The following GRIA1 variants were observed in gnomAD, a reference collection of about 807,000 sequenced individuals.
GRIA1 encodes the protein glutamate receptor 1.
A neutral mutation model predicts 99.2 loss-of-function variants in GRIA1; 31 were observed. That is an observed-to-expected ratio of 0.31 (90% confidence interval 0.23 to 0.42). The LOEUF (loss-of-function observed/expected upper bound fraction) is 0.42. Among genes scored for constraint, GRIA1 ranks in the 10% least tolerant of loss-of-function variants. The pLI is 1.00. For missense variants in GRIA1, 782 were observed against 1,157.5 expected, an observed-to-expected ratio of 0.68 and a Z score of 4.71; for synonymous variants, 438 against 432.4, an observed-to-expected ratio of 1.01 and a Z score of -0.16.
chr5:153,587,288 T>C (rs892565873), intron 2 of GRIA1, among the ~76,000 whole-genome samples: 13 of 152,104 alleles, frequency 8.5e-5, no homozygotes, highest in Admixed American at 2.0e-4. Flanking sequence ...GTTTTTGCCA[T>C]GTGACATGCT....
intron 2 of GRIA1, among the ~76,000 whole-genome samples, chr5:153,521,186 C>G (rs1757110431): frequency 6.6e-6 from 1 of 152,218 alleles, no homozygotes; most frequent in Non-Finnish European, 1.5e-5. Context: ...TTTCCAGATA[C>G]CATGTCCTGA....
intron 2 of GRIA1, among the ~76,000 whole-genome samples, chr5:153,522,071 G>T (rs1032060248): frequency 6.6e-6 from 1 of 152,168 alleles, no homozygotes; most frequent in African/African-American, 2.4e-5. Context: ...TAATTATTGT[G>T]TTGGGAGCTG....
At chr5:153,727,784 A>G (rs1392958487) in intron 11 of GRIA1, among the ~76,000 whole-genome samples, 1 of 152,106 alleles carries the variant, frequency 6.6e-6, no homozygotes, top group Non-Finnish European at 1.5e-5. Context: ...GGAAGAATCA[A>G]TATCGTGAAA....
At chr5:153,792,612 T>C (rs545347495) in intron 13 of GRIA1, among the ~76,000 whole-genome samples, 1 of 152,350 alleles carries the variant, frequency 6.6e-6, no homozygotes, top group South Asian at 2.1e-4. Context: ...CTACTTACCC[T>C]AGCATTGAGC....
At chr5:153,506,438 A>G (rs1262392422) in intron 2 of GRIA1, among the ~76,000 whole-genome samples, 2 of 152,030 alleles carry the variant, frequency 1.3e-5, no homozygotes, top group Non-Finnish European at 2.9e-5. Context: ...GTGTGTGATT[A>G]TAAAAAGGAT....
chr5:153,513,262 C>T (rs1756280337), intron 2 of GRIA1, among the ~76,000 whole-genome samples: 1 of 152,052 alleles, frequency 6.6e-6, no homozygotes, highest in Non-Finnish European at 1.5e-5. Flanking sequence ...AGAGGGAGTC[C>T]TATAGAGACT....
intron 4 of GRIA1, among the ~76,000 whole-genome samples, chr5:153,653,498 G>T (rs1754719946): frequency 6.6e-6 from 1 of 152,168 alleles, no homozygotes; most frequent in Non-Finnish European, 1.5e-5. Flanking sequence ...CAAGGAACAG[G>T]ATTATTAGAA....
chr5:153,593,807 C>A (rs1382526830), intron 2 of GRIA1, among the ~76,000 whole-genome samples: 6 of 152,116 alleles, frequency 3.9e-5, no homozygotes, highest in Non-Finnish European at 7.4e-5. Context: ...CAACACTTTT[C>A]GCTAGTTCAG....
At chr5:153,568,772 C>G (rs1761872590) in intron 2 of GRIA1, among the ~76,000 whole-genome samples, 1 of 152,166 alleles carries the variant, frequency 6.6e-6, no homozygotes, top group Non-Finnish European at 1.5e-5. Flanking sequence ...TTGCCTAGAG[C>G]TCTCCGAATC....
At position 153,658,962 on chromosome 5, in the gene GRIA1, T is replaced by TCAAAACAAAA. The variant is rs373891752; in HGVS notation, c.699+3095_699+3104dup. Among the ~76,000 whole-genome samples the TCAAAACAAAA allele has an allele frequency of 8.5e-3, 1,279 of 150,026 alleles. 21 individuals carry two copies. Among genetic ancestry groups the TCAAAACAAAA allele is most frequent in the African/African-American group, 0.03 (1,202 of 40,492 alleles). On this transcript the variant is annotated intron_variant, in intron 5 of 15. Transcript: ENST00000285900. ...GAGAAGACAACTTATAGGCAAGGAG[T>TCAAAACAAAA]CAAAACAAAACAAAGCAAAACAAAA...
chr5:153,646,805 A>G (rs772253739), intron 2 of GRIA1, 123 bp from the exon 3 acceptor site: 12 of 1,030,662 alleles, frequency 1.2e-5, no homozygotes, highest in African/African-American at 1.6e-5. Context: ...GGGTAGATGG[A>G]TAGATGACAG....
At chr5:153,730,253 A>C (rs1760910042) in intron 11 of GRIA1, among the ~76,000 whole-genome samples, 3 of 152,034 alleles carry the variant, frequency 2.0e-5, no homozygotes, top group Non-Finnish European at 4.4e-5. Context: ...CTGCATTTCA[A>C]ATAACAAATA....
intron 8 of GRIA1, among the ~76,000 whole-genome samples, chr5:153,689,737 G>A (rs1757601769): frequency 6.6e-6 from 1 of 152,172 alleles, no homozygotes; most frequent in Non-Finnish European, 1.5e-5. Context: ...TTGGATGTCA[G>A]TGCCATCTGC....
intron 5 of GRIA1, among the ~76,000 whole-genome samples, chr5:153,657,722 C>A (rs564708774): frequency 6.6e-6 from 1 of 152,176 alleles, no homozygotes; most frequent in Admixed American, 6.6e-5. Context: ...CTTCTTTCCC[C>A]TTCTTCAACT....
chr5:153,656,477 C>T (rs1297695000), intron 5 of GRIA1, among the ~76,000 whole-genome samples: 2 of 145,050 alleles, frequency 1.4e-5, no homozygotes, highest in Non-Finnish European at 3.0e-5. Flanking sequence ...ACAAAGAAAA[C>T]AACTCATCAA....
intron 11 of GRIA1, among the ~76,000 whole-genome samples, chr5:153,732,999 A>G (rs1316938923): frequency 2.0e-5 from 3 of 147,628 alleles, no homozygotes; most frequent in Non-Finnish European, 4.5e-5. Context: ...ATCCTTTTCC[A>G]CTGTGTATTC....
chr5:153,674,362 G>A lies in GRIA1; in HGVS notation c.700-138G>A, dbSNP rs867466856. ...AACTAAGTAATAATCAAGTTCAAAG[G>A]AAAGGAGGCCTAACTGTCTCTCCAT... On this transcript the variant is annotated intron_variant, in intron 5 of 15. Transcript: ENST00000285900. 5.9e-5 allele frequency: 54 copies of A among 919,410 alleles called. 2 individuals are homozygous for A. In the Middle Eastern group the frequency reaches 9.9e-3, roughly 169 times the overall value. 57.0% of individuals were successfully genotyped at this position (919,410 alleles called of 1,614,324 possible).
At chr5:153,619,655 T>A (rs1581344196) in intron 2 of GRIA1, among the ~76,000 whole-genome samples, 1 of 152,258 alleles carries the variant, frequency 6.6e-6, no homozygotes, top group East Asian at 1.9e-4. Context: ...GGACAAGGTA[T>A]CTTTATCCCA....
chr5:153,725,104 C>A lies in GRIA1; in HGVS notation c.1823+19037C>A, dbSNP rs9687835. 8.6e-3 allele frequency among the ~76,000 whole-genome samples: 1,308 copies of A among 151,900 alleles called. 7 individuals carry two copies. Among genetic ancestry groups the A allele is most frequent in the Middle Eastern group, 0.014 (4 of 294 alleles). On this transcript the variant is annotated intron_variant, in intron 11 of 15. Coordinates refer to ENST00000285900, the MANE Select transcript of GRIA1 (RefSeq NM_000827.4). ...TGGGGGCCAATATTCAACATTCTTA[C>A]AGAAAAGAATTTTCAACCCAGAATT...
Sources: gnomAD v4.1 joint callset for allele counts (sites outside exome capture counted in the v4.1 genomes callset) on GRCh38, gnomAD v4.1.1 for gene constraint, MANE v1.5 for transcripts, NCBI Gene and HGNC (gene_info 2026-07-23, HGNC 2026-07-21) for gene names.